The following PTPN11 variants were observed in gnomAD, a reference collection of about 807,000 sequenced individuals.
PTPN11 encodes tyrosine-protein phosphatase non-receptor type 11.
Under a neutral mutation model 78.8 loss-of-function variants are expected in PTPN11, and 6 were observed. The ratio of observed to expected loss-of-function variants is 0.08; its 90% confidence interval spans 0.04 to 0.15. The LOEUF (loss-of-function observed/expected upper bound fraction) is 0.15, where lower values mean the gene tolerates loss of function less well. PTPN11 is among the 10% of genes least tolerant of loss of function. The pLI is 1.00. For missense variants in PTPN11, 386 were observed against 744.8 expected, an observed-to-expected ratio of 0.52 and a Z score of 5.61; for synonymous variants, 221 against 263.5, an observed-to-expected ratio of 0.84 and a Z score of 1.56.
chr12:112,482,001 T>G lies in PTPN11; in HGVS notation c.1093-73T>G, dbSNP rs2038603131. On this transcript the variant is annotated intron_variant, in intron 9 of 15. Transcript: ENST00000351677. The surrounding 1 kb of genome is among the most constrained non-coding windows in gnomAD (Gnocchi z 4.4). ...TGGTTATTAAGCAAGACTTGAACAT[T>G]TGTTTGTTGCTTGTTTAGGCTTTTA... The G allele has an allele frequency of 1.4e-6, 2 of 1,462,148 alleles. No individual in the cohort carries two copies. The highest frequency in any genetic ancestry group is 1.9e-6 in the Non-Finnish European group (2 of 1,048,334). The allele number at this position is 1,462,148 out of a possible 1,614,324, so 90.6% of individuals were successfully genotyped here.
In PTPN11 at chr12:112,489,227, T is replaced by C. The variant is rs977693831; in HGVS notation, c.1599+52T>C. 1.9e-6 allele frequency: 3 copies of C among 1,601,580 alleles called. No homozygotes were observed. In the African/African-American group the frequency reaches 4.0e-5, roughly 21 times the overall value. ...ATTCTCATTCTCTTGCTAGGCCTCT[T>C]GGATACGCTCTCCTTTTGAGCAGGA... On this transcript the variant is annotated intron_variant, in intron 13 of 15. Coordinates refer to ENST00000351677, the MANE Select transcript of PTPN11 (RefSeq NM_002834.5).
chr12:112,468,571 G>C (rs2038365421), intron 6 of PTPN11, among the ~76,000 whole-genome samples: 1 of 152,160 alleles, frequency 6.6e-6, no homozygotes, highest in South Asian at 2.1e-4. Context: ...GGAAGGAGCC[G>C]GGGGAGAGAT....
intron 13 of PTPN11, among the ~76,000 whole-genome samples, chr12:112,495,872 T>C (rs1396239717): frequency 1.3e-5 from 2 of 152,156 alleles, no homozygotes; most frequent in African/African-American, 2.4e-5. Context: ...GTATTGCTTT[T>C]GCACCATCAT....
intron 1 of PTPN11, among the ~76,000 whole-genome samples, chr12:112,441,647 C>T (rs868296311): frequency 6.6e-6 from 1 of 152,170 alleles, no homozygotes; most frequent in African/African-American, 2.4e-5. Flanking sequence ...AGTACTAGAA[C>T]TCTACATTTA....
In PTPN11 at chr12:112,419,019, A is replaced by G; in HGVS notation, c.-93A>G. On this transcript the variant is annotated 5_prime_UTR_variant, in exon 1 of 16. Coordinates refer to ENST00000351677, the MANE Select transcript of PTPN11 (RefSeq NM_002834.5). ...TGGCTCTGCCCCGCGTCCGGTCCCG[A>G]GCGGGCCTCCCTCGGGCCAGCCCGA... 1 of 1,496,390 alleles carries G rather than the reference A, an allele frequency of 6.7e-7. No homozygotes were observed. Among genetic ancestry groups the G allele is most frequent in the Middle Eastern group, 2.3e-4 (1 of 4,274 alleles). The allele number at this position is 1,496,390 out of a possible 1,614,324, so 92.7% of individuals were successfully genotyped here.
At chr12:112,445,978 C>A (rs374893044) in intron 1 of PTPN11, among the ~76,000 whole-genome samples, 1 of 152,054 alleles carries the variant, frequency 6.6e-6, no homozygotes, top group Admixed American at 6.6e-5. Context: ...CTCAGTCTTG[C>A]GAGCACGTGG....
intron 13 of PTPN11, among the ~76,000 whole-genome samples, chr12:112,491,226 A>C (rs2038740812): frequency 1.3e-5 from 2 of 151,700 alleles, no homozygotes; most frequent in Admixed American, 1.3e-4. Context: ...ACACTCTGCC[A>C]GTTCCTTGGA....
chr12:112,420,953 A>G (rs980757698), intron 1 of PTPN11, among the ~76,000 whole-genome samples: 1 of 152,156 alleles, frequency 6.6e-6, no homozygotes, highest in Admixed American at 6.6e-5. Context: ...CCAGACAAGT[A>G]AGGATCTGCT....
Position 112,508,285 on chromosome 12 carries a change from C to T in PTPN11, c.*2493C>T, listed in dbSNP as rs886048977. On this transcript the variant is annotated 3_prime_UTR_variant, in exon 16 of 16. Coordinates refer to ENST00000351677, the MANE Select transcript of PTPN11 (RefSeq NM_002834.5). ...AGGCCAAGGCCAGAGTTATCATAGT[C>T]CCTAGGTTGCTACGGCTTATCATGT... 13 of 152,526 alleles carry T rather than the reference C, an allele frequency of 8.5e-5. No homozygotes were observed. The highest frequency in any genetic ancestry group is 1.3e-4 in the Non-Finnish European group (9 of 68,038). 9.4% of individuals were successfully genotyped at this position (152,526 alleles called of 1,614,324 possible).
intron 1 of PTPN11, among the ~76,000 whole-genome samples, chr12:112,438,464 C>T (rs1280000770): frequency 1.3e-5 from 2 of 151,894 alleles, no homozygotes; most frequent in African/African-American, 4.8e-5. Context: ...GCTGGGACTA[C>T]AGGAGCACAC....
chr12:112,475,866 T>C (rs2038493574), intron 7 of PTPN11, among the ~76,000 whole-genome samples: 1 of 152,222 alleles, frequency 6.6e-6, no homozygotes, highest in Non-Finnish European at 1.5e-5. Context: ...GAGACATTTG[T>C]AATACTGAGA....
chr12:112,486,191 A>T (rs895629864), intron 10 of PTPN11, among the ~76,000 whole-genome samples: 2 of 152,036 alleles, frequency 1.3e-5, no homozygotes, highest in Non-Finnish European at 2.9e-5. Context: ...GGGAATAGGG[A>T]TGTTACCTGT....
intron 14 of PTPN11, among the ~76,000 whole-genome samples, chr12:112,503,027 C>T (rs372315698): frequency 1.1e-3 from 175 of 152,330 alleles, no homozygotes; most frequent in African/African-American, 4.0e-3. Flanking sequence ...GGTGTTTAAA[C>T]CAGGAGTCAG....
At chr12:112,499,226 G>A (rs1030935850) in intron 13 of PTPN11, among the ~76,000 whole-genome samples, 7 of 151,924 alleles carry the variant, frequency 4.6e-5, no homozygotes, top group African/African-American at 1.2e-4. Context: ...AAAAAGTATC[G>A]AGTAAAAAAG....
At chr12:112,496,116 A>G (rs113983410) in intron 13 of PTPN11, among the ~76,000 whole-genome samples, 2,195 of 152,248 alleles carry the variant, frequency 0.014, 60 homozygotes, top group African/African-American at 0.05. Context: ...CCATTTATTT[A>G]TTCCATTATT....
rs2038980540 is a variant in PTPN11 at position 112,509,842 on chromosome 12, TATC to T, written c.*4052_*4054del. 1 of 152,552 alleles carries T rather than the reference TATC, an allele frequency of 6.6e-6. No individual in the cohort carries two copies. Among genetic ancestry groups the T allele is most frequent in the African/African-American group, 2.4e-5 (1 of 41,458 alleles). 9.4% of individuals were successfully genotyped at this position (152,552 alleles called of 1,614,324 possible). On this transcript the variant is annotated 3_prime_UTR_variant, in exon 16 of 16. Transcript: ENST00000351677. The stretch of plus-strand genomic sequence containing the variant: ...TGCTTTGCTAGTTGCAAAGCTGTAT[TATC>T]AGAGTAAAAGTGTATTTGTAAACTG...
At chr12:112,440,832 T>TC (rs2037876381) in intron 1 of PTPN11, among the ~76,000 whole-genome samples, 1 of 151,594 alleles carries the variant, frequency 6.6e-6, no homozygotes, top group Non-Finnish European at 1.5e-5. Flanking sequence ...CCTCAGCTCT[T>TC]CCCAAAGTGC....
chr12:112,488,938 C>T, intron 12 of PTPN11, 86 bp from the exon 13 acceptor site: 4 of 1,541,820 alleles, frequency 2.6e-6, no homozygotes, highest in Non-Finnish European at 3.6e-6. Context: ...TTAGCATTGT[C>T]TCTGAGTCCA....
intron 11 of PTPN11, 53 bp from the exon 12 acceptor site, chr12:112,488,390 G>GA: frequency 6.9e-7 from 1 of 1,449,822 alleles, no homozygotes; most frequent in Admixed American, 1.7e-5. Flanking sequence ...TTTTGAGTCT[G>GA]AAACCCCCAT....
Sources: gnomAD v4.1 joint callset for allele counts (sites outside exome capture counted in the v4.1 genomes callset) on GRCh38, gnomAD v4.1.1 for gene constraint, Gnocchi (gnomAD v3.1) non-coding constraint, MANE v1.5 for transcripts, NCBI Gene and HGNC (gene_info 2026-07-23, HGNC 2026-07-21) for gene names.